USP37: variants seen among roughly 807,000 people sequenced by gnomAD.
USP37 encodes the protein ubiquitin carboxyl-terminal hydrolase 37.
A neutral mutation model predicts 124.0 loss-of-function variants in USP37; 27 were observed. The observed-to-expected ratio is 0.22, with a 90% CI of 0.16 to 0.30. The LOEUF (loss-of-function observed/expected upper bound fraction) is 0.30, where lower values mean the gene tolerates loss of function less well. USP37 is among the 10% of genes least tolerant of loss of function. The pLI is 1.00. For synonymous variants in USP37, 365 were observed against 388.0 expected (o/e 0.94, Z 0.70); for missense variants, 889 against 1,140.4 (o/e 0.78, Z 3.17).
At chr2:218,556,671 G>A (rs1693000840) in intron 4 of USP37, among the ~76,000 whole-genome samples, 1 of 151,632 alleles carries the variant, frequency 6.6e-6, no homozygotes. Flanking sequence ...CCACTACCGT[G>A]CCTGCTAATT....
intron 24 of USP37, among the ~76,000 whole-genome samples, chr2:218,456,454 G>A (rs1357708733): frequency 2.0e-5 from 3 of 146,420 alleles, no homozygotes; most frequent in Non-Finnish European, 4.5e-5. Flanking sequence ...GTGAGACCCT[G>A]TCTCTTGAAA....
In USP37 at chr2:218,547,058, C is replaced by G; in HGVS notation, c.463G>C (p.Asp155His). The G allele has an allele frequency of 6.2e-7, 1 of 1,602,992 alleles. No homozygotes were observed. The highest frequency in any genetic ancestry group is 8.5e-7 in the Non-Finnish European group (1 of 1,177,554). Residue 155 changes from aspartate (D) to histidine (H), a missense_variant, in exon 7 of 26, where the codon GAT becomes CAT. Asp to His is a moderately conservative substitution (Grantham distance 81). Around this residue, in one of 3 missense-constraint regions of USP37, gnomAD observed 374 missense variants for 386.0 expected, o/e 0.97. Transcript: ENST00000258399. ...SAKRGSLETK[D>H]DIPFRKVLGN... ...AGAACTTTTCGAAATGGAATATCAT[C>G]TTTAGTTTCCAAACTTCCTCTTTTT...
intron 14 of USP37, among the ~76,000 whole-genome samples, chr2:218,491,321 G>A (rs1691933073): frequency 6.6e-6 from 1 of 152,216 alleles, no homozygotes. Flanking sequence ...TCTATAGGCA[G>A]CCTTTAGGAA....
chr2:218,531,217 C>T (rs1691302905), intron 9 of USP37, among the ~76,000 whole-genome samples: 1 of 152,182 alleles, frequency 6.6e-6, no homozygotes, highest in African/African-American at 2.4e-5. Context: ...GACTCTCTTG[C>T]TAGGCGCTAA....
intron 14 of USP37, 92 bp downstream of exon 14, chr2:218,495,668 A>G (rs1333709926): frequency 1.4e-6 from 2 of 1,387,036 alleles, no homozygotes; most frequent in Non-Finnish European, 1.9e-6. Flanking sequence ...AAAAACAGAA[A>G]AGAATTCATG....
At chr2:218,510,287 T>G (rs951322580) in intron 10 of USP37, 147 bp from the exon 11 acceptor site, 16 of 837,146 alleles carry the variant, frequency 1.9e-5, no homozygotes, top group Admixed American at 3.1e-5. Context: ...AAGGGAAAAC[T>G]CTACAAACGT....
intron 8 of USP37, among the ~76,000 whole-genome samples, chr2:218,545,428 GAAC>G (rs1159089052): frequency 2.0e-5 from 3 of 152,184 alleles, no homozygotes; most frequent in African/African-American, 7.2e-5. Flanking sequence ...AAGGATGGCA[GAAC>G]AACAAGACAG....
At chr2:218,511,589 C>T (rs1007046002) in intron 10 of USP37, among the ~76,000 whole-genome samples, 1 of 151,478 alleles carries the variant, frequency 6.6e-6, no homozygotes, top group Non-Finnish European at 1.5e-5. Context: ...GGATTACAGG[C>T]GTGAGCCACC....
At chr2:218,467,402 G>A (rs768450742) in intron 20 of USP37, among the ~76,000 whole-genome samples, 1 of 151,796 alleles carries the variant, frequency 6.6e-6, no homozygotes, top group African/African-American at 2.4e-5. Context: ...AGGCTGGAGT[G>A]CAGTGGCGCG....
chr2:218,559,885 T>C (rs996125274), intron 3 of USP37, among the ~76,000 whole-genome samples: 7 of 151,976 alleles, frequency 4.6e-5, no homozygotes, highest in Non-Finnish European at 1.0e-4. Flanking sequence ...GAGGCTGAGA[T>C]GGGAGGATCA....
intron 2 of USP37, 38 bp downstream of exon 2, chr2:218,562,635 T>C (rs1693367866): frequency 5.0e-6 from 2 of 398,004 alleles, no homozygotes; most frequent in Non-Finnish European, 8.9e-6. Context: ...GATTGCATGC[T>C]CTTTGAAACA....
intron 16 of USP37, 22 bp downstream of exon 16, chr2:218,485,635 CAAAAAAA>C (rs60749670): frequency 2.0e-3 from 2,637 of 1,292,076 alleles, no homozygotes; most frequent in Admixed American, 6.9e-3. Context: ...TAGTCCATAG[CAAAAAAA>C]AAAAAAAAAA....
intron 10 of USP37, among the ~76,000 whole-genome samples, chr2:218,526,758 C>T (rs1574927096): frequency 1.3e-5 from 2 of 148,974 alleles, no homozygotes; most frequent in African/African-American, 2.5e-5. Flanking sequence ...ACCAAGAAGA[C>T]CAACGTAAGT....
At chr2:218,566,302 G>C (rs1335872162) in intron 1 of USP37, among the ~76,000 whole-genome samples, 1 of 152,208 alleles carries the variant, frequency 6.6e-6, no homozygotes, top group Non-Finnish European at 1.5e-5. Flanking sequence ...GAAATTAAAA[G>C]CAATGTGGCT....
chr2:218,527,276 C>T (rs1574928168), intron 10 of USP37, among the ~76,000 whole-genome samples: 1 of 152,180 alleles, frequency 6.6e-6, no homozygotes, highest in East Asian at 1.9e-4. Flanking sequence ...TTGCACTCTA[C>T]TCAGGGAGTA....
intron 10 of USP37, among the ~76,000 whole-genome samples, chr2:218,521,516 C>A (rs986927532): frequency 5.9e-5 from 9 of 152,064 alleles, no homozygotes; most frequent in African/African-American, 1.9e-4. Context: ...ACAGGCCCTA[C>A]TGTGTGATGG....
At position 218,463,349 on chromosome 2, in the gene USP37, T is replaced by A; in HGVS notation, c.2484A>T (p.Lys828Asn). ...TAGCTCTTTTGAGGTCATCATCTTC[T>A]TTCTGTTCCCAAGCCTCCTAAAGGG... The part of the protein sequence containing the change: ...SLQEQEAWEQ[K>N]EDDDLKRATE... Residue 828 changes from lysine to asparagine, a missense_variant, in exon 22 of 26, where the codon AAA becomes AAT. Around this residue, in one of 3 missense-constraint regions of USP37, gnomAD observed 504 missense variants for 714.3 expected, o/e 0.71. Transcript: ENST00000258399. 6.2e-7 allele frequency: 1 copy of A among 1,614,084 alleles called. No individual in the cohort carries two copies. Among genetic ancestry groups the A allele is most frequent in the Non-Finnish European group, 8.5e-7 (1 of 1,180,008 alleles).
At chr2:218,522,658 A>T (rs1424389623) in intron 10 of USP37, among the ~76,000 whole-genome samples, 9 of 151,576 alleles carry the variant, frequency 5.9e-5, no homozygotes, top group Admixed American at 5.9e-4. Flanking sequence ...ACTACCTTAA[A>T]TTTTTTTATT....
chr2:218,523,495 T>G (rs1159239869), intron 10 of USP37, among the ~76,000 whole-genome samples: 2 of 152,256 alleles, frequency 1.3e-5, no homozygotes, highest in Non-Finnish European at 2.9e-5. Flanking sequence ...CATTTTATTA[T>G]TGCTGGATTT....
Sources: allele counts gnomAD v4.1 joint callset (sites outside exome capture counted in the v4.1 genomes callset), GRCh38; gene constraint gnomAD v4.1.1; regional missense constraint gnomAD v4.1.1; transcripts MANE v1.5; gene names NCBI Gene and HGNC (gene_info 2026-07-23, HGNC 2026-07-21).